Variants in MAP2K1 observed in about 807,000 individuals in gnomAD.
MAP2K1 encodes mitogen-activated protein kinase kinase 1, also known as dual specificity mitogen-activated protein kinase kinase 1.
In MAP2K1, 16 loss-of-function variants were observed where a neutral mutation model predicts 46.3. The observed-to-expected ratio is 0.35, with a 90% CI of 0.23 to 0.52. The LOEUF (loss-of-function observed/expected upper bound fraction) is 0.52. MAP2K1 is among the 20% of genes least tolerant of loss of function. The pLI, the probability that MAP2K1 is intolerant of heterozygous loss-of-function variation, is 0.94. For synonymous variants in MAP2K1, 183 were observed against 185.6 expected, an observed-to-expected ratio of 0.99 and a Z score of 0.11; for missense variants, 263 against 497.1, an observed-to-expected ratio of 0.53 and a Z score of 4.48.
At chr15:66,459,723 A>G (rs779570856) in intron 5 of MAP2K1, among the ~76,000 whole-genome samples, 2 of 152,134 alleles carry the variant, frequency 1.3e-5, no homozygotes, top group Non-Finnish European at 2.9e-5. Flanking sequence ...TGGGGTCTTC[A>G]GCAATGGTCA....
rs144671181 is a variant in MAP2K1, at chr15:66,490,090, CAG to C, written c.1068+330_1068+331del. ...CCTCATCTTACATTCAGCCTCCTTC[CAG>C]AGTCACTCTCCGCCTGCTGTCTCGT... is the stretch of plus-strand genomic sequence containing the variant. On this transcript the variant is annotated intron_variant, in intron 10 of 10. Coordinates refer to ENST00000307102, the MANE Select transcript of MAP2K1 (RefSeq NM_002755.4). 2,165 of 535,120 alleles carry C rather than the reference CAG, an allele frequency of 4.0e-3. 35 individuals are homozygous for C. The highest frequency in any genetic ancestry group is 0.037 in the African/African-American group (1,934 of 52,836). 33.1% of individuals were successfully genotyped at this position (535,120 alleles called of 1,614,324 possible).
chr15:66,405,419 G>A (rs907103967), intron 1 of MAP2K1, among the ~76,000 whole-genome samples: 2 of 152,164 alleles, frequency 1.3e-5, no homozygotes, highest in East Asian at 1.9e-4. Flanking sequence ...GGACCAGCAC[G>A]GATTAGAATG....
intron 1 of MAP2K1, chr15:66,414,891 C>T (rs2093421086): frequency 9.1e-6 from 3 of 330,018 alleles, no homozygotes; most frequent in Non-Finnish European, 1.8e-5. Flanking sequence ...GGGGCTCGGG[C>T]CAAGAAGGTC....
intron 5 of MAP2K1, among the ~76,000 whole-genome samples, chr15:66,457,417 G>A (rs1892194461): frequency 6.6e-6 from 1 of 152,182 alleles, no homozygotes; most frequent in South Asian, 2.1e-4. Flanking sequence ...ACTGTGCCCT[G>A]CTGGAAATTC....
In MAP2K1 at chr15:66,491,430, T is replaced by C. The variant is rs1266055566; in HGVS notation, c.*815T>C. 4.4e-6 allele frequency: 1 copy of C among 228,028 alleles called. No homozygotes were observed. Among genetic ancestry groups the C allele is most frequent in the Non-Finnish European group, 8.7e-6 (1 of 114,886 alleles). The allele number at this position is 228,028 out of a possible 1,614,324, so 14.1% of individuals were successfully genotyped here. On this transcript the variant is annotated 3_prime_UTR_variant, in exon 11 of 11. Coordinates refer to ENST00000307102, the MANE Select transcript of MAP2K1 (RefSeq NM_002755.4). Reference sequence around the variant, plus strand: ...CCAATGCTGTTGTAAACAACGTGTATAGTGCCTAAAATTGTATGAAAATCC... The same window carrying C: ...CCAATGCTGTTGTAAACAACGTGTACAGTGCCTAAAATTGTATGAAAATCC...
intron 5 of MAP2K1, among the ~76,000 whole-genome samples, chr15:66,467,548 A>G (rs1395198467): frequency 6.6e-6 from 1 of 152,148 alleles, no homozygotes; most frequent in Non-Finnish European, 1.5e-5. Context: ...AGTCTCTTTC[A>G]ATATTTACAG....
chr15:66,450,106 T>G (rs1891996344), intron 5 of MAP2K1, among the ~76,000 whole-genome samples: 1 of 43,532 alleles, frequency 2.3e-5, no homozygotes, highest in African/African-American at 8.6e-5. Flanking sequence ...TGCTAAAAAC[T>G]CTCAATAAAT....
At chr15:66,473,013 T>G (rs2140653406) in intron 5 of MAP2K1, among the ~76,000 whole-genome samples, 1 of 152,324 alleles carries the variant, frequency 6.6e-6, no homozygotes, top group Non-Finnish European at 1.5e-5. Context: ...AAAACAGATT[T>G]TTAGCTAACT....
At chr15:66,387,482 GGGAGCA>G in intron 1 of MAP2K1, 55 bp downstream of exon 1, 1 of 1,512,476 alleles carries the variant, frequency 6.6e-7, no homozygotes, top group Admixed American at 2.0e-5. Context: ...GCCCGAGCCG[GGGAGCA>G]GGAGCGCGCG....
intron 8 of MAP2K1, among the ~76,000 whole-genome samples, chr15:66,487,580 C>T (rs1445944414): frequency 1.3e-5 from 2 of 151,874 alleles, no homozygotes; most frequent in Non-Finnish European, 2.9e-5. Flanking sequence ...CGGAGGTTGA[C>T]TCTGGGAAAA....
At chr15:66,433,277 C>T (rs752252) in intron 1 of MAP2K1, among the ~76,000 whole-genome samples, 137,377 of 152,190 alleles carry the variant, frequency 0.9, 63,652 homozygotes, top group East Asian at 1. Flanking sequence ...TGAGTAGCTG[C>T]CTCAGTTTGC....
chr15:66,449,797 C>T (rs1422888690), intron 5 of MAP2K1, among the ~76,000 whole-genome samples: 2 of 152,120 alleles, frequency 1.3e-5, no homozygotes, highest in African/African-American at 4.8e-5. Flanking sequence ...AGGAGAATGG[C>T]TTGAACCTGG....
intron 10 of MAP2K1, 159 bp downstream of exon 10, chr15:66,489,922 C>A: frequency 1.3e-6 from 1 of 742,834 alleles, no homozygotes; most frequent in East Asian, 2.6e-5. Flanking sequence ...CTCCTTTGCT[C>A]TCCCATCAGT....
In MAP2K1 at chr15:66,452,124, C is replaced by G. The variant is rs1273899652; in HGVS notation, c.568+7417C>G. On this transcript the variant is annotated intron_variant, in intron 5 of 10. Coordinates refer to ENST00000307102, the MANE Select transcript of MAP2K1 (RefSeq NM_002755.4). The stretch of plus-strand genomic sequence containing the variant: ...GACACAGGAAGGGGAATATCACACT[C>G]TGGGGACTGTGGTGGGGTCGGGGGA... 2.2e-3 allele frequency among the ~76,000 whole-genome samples: 210 copies of G among 95,262 alleles called. 2 individuals carry two copies. The highest frequency in any genetic ancestry group is 7.5e-3 in the African/African-American group (190 of 25,352). The allele number at this position is 95,262 out of a possible 152,430, so 62.5% of individuals were successfully genotyped here.
chr15:66,482,381 CTGTTCAGAAT>C (rs1199063989), intron 6 of MAP2K1, among the ~76,000 whole-genome samples: 1 of 152,178 alleles, frequency 6.6e-6, no homozygotes, highest in East Asian at 1.9e-4. Context: ...TCCTGAGAGT[CTGTTCAGAAT>C]TGTCCAGCCT....
intron 1 of MAP2K1, among the ~76,000 whole-genome samples, chr15:66,413,796 G>A (rs1342219859): frequency 2.0e-5 from 3 of 152,162 alleles, no homozygotes; most frequent in Non-Finnish European, 4.4e-5. Flanking sequence ...GAACTCAAAG[G>A]GTGAGTGACT....
At chr15:66,402,151 A>T (rs1421483794) in intron 1 of MAP2K1, among the ~76,000 whole-genome samples, 1 of 152,212 alleles carries the variant, frequency 6.6e-6, no homozygotes, top group East Asian at 1.9e-4. Context: ...AAATATTCAA[A>T]AGCGTGTTTT....
At chr15:66,421,965 A>G (rs1218173066) in intron 1 of MAP2K1, among the ~76,000 whole-genome samples, 1 of 151,432 alleles carries the variant, frequency 6.6e-6, no homozygotes, top group Non-Finnish European at 1.5e-5. Context: ...TTACTCTAGC[A>G]TATCCTCAAC....
intron 1 of MAP2K1, among the ~76,000 whole-genome samples, chr15:66,422,271 C>T (rs1239374305): frequency 1.3e-5 from 2 of 152,050 alleles, no homozygotes; most frequent in Non-Finnish European, 1.5e-5. Flanking sequence ...TCATTTGCAC[C>T]TGAGAGTGTT....
Sources: allele counts gnomAD v4.1 joint callset (sites outside exome capture counted in the v4.1 genomes callset), GRCh38; gene constraint gnomAD v4.1.1; transcripts MANE v1.5; gene names NCBI Gene and HGNC (gene_info 2026-07-23, HGNC 2026-07-21).